Variants in ZEB1 observed in about 807,000 individuals in gnomAD.
ZEB1 encodes the protein zinc finger E-box-binding homeobox 1.
A neutral mutation model predicts 84.9 loss-of-function variants in ZEB1; 21 were observed. The observed-to-expected ratio is 0.25, with a 90% CI of 0.18 to 0.36. The LOEUF (loss-of-function observed/expected upper bound fraction) is 0.36. ZEB1 is among the 10% of genes least tolerant of loss of function. The pLI, the probability that ZEB1 is intolerant of heterozygous loss-of-function variation, is 1.00. For synonymous variants in ZEB1, 420 were observed against 471.1 expected (o/e 0.89, Z 1.41); for missense variants, 1,104 against 1,330.2 (o/e 0.83, Z 2.65).
intron 1 of ZEB1, among the ~76,000 whole-genome samples, chr10:31,440,481 CTTTGAAAACTGGCGCAAGACAGGG>C (rs946653728): frequency 2.0e-5 from 3 of 152,100 alleles, no homozygotes; most frequent in African/African-American, 7.3e-5. Context: ...GGAGCATTCC[CTTTGAAAACTGGCGCAAGACAGGG>C]GTGCCCTTTC....
At chr10:31,463,473 A>G (rs1288243638) in intron 2 of ZEB1, among the ~76,000 whole-genome samples, 1 of 152,198 alleles carries the variant, frequency 6.6e-6, no homozygotes, top group Non-Finnish European at 1.5e-5. Context: ...TTGCCTAGCC[A>G]GTGAAATGTA....
At chr10:31,445,059 C>A (rs1203058386) in intron 1 of ZEB1, among the ~76,000 whole-genome samples, 1 of 146,834 alleles carries the variant, frequency 6.8e-6, no homozygotes, top group Non-Finnish European at 1.5e-5. Context: ...ATGGAATGTT[C>A]TTCCATTTGT....
chr10:31,331,091 T>TC, intron 1 of ZEB1, among the ~76,000 whole-genome samples: 1 of 122,288 alleles, frequency 8.2e-6, no homozygotes. Flanking sequence ...CTTTTTTTTT[T>TC]TTTTTTTTTT....
intron 1 of ZEB1, among the ~76,000 whole-genome samples, chr10:31,407,969 T>C (rs1202024697): frequency 6.8e-4 from 100 of 147,922 alleles, no homozygotes; most frequent in African/African-American, 2.2e-3. Flanking sequence ...TGTTTGCAGA[T>C]GACATGATTG....
chr10:31,357,150 A>G (rs1328099835), intron 1 of ZEB1, among the ~76,000 whole-genome samples: 1 of 152,190 alleles, frequency 6.6e-6, no homozygotes, highest in South Asian at 2.1e-4. Flanking sequence ...TAAATGAGAT[A>G]CTTTTTAAAA....
At chr10:31,511,018 G>T (rs2139511955) in intron 5 of ZEB1, 143 bp downstream of exon 5, 1 of 834,192 alleles carries the variant, frequency 1.2e-6, no homozygotes, top group South Asian at 1.5e-5. Flanking sequence ...AAGTGAAAAT[G>T]ATTATTTATT....
upstream of ZEB1, chr10:31,319,201 G>T (rs1589873735): frequency 6.4e-7 from 1 of 1,572,606 alleles, no homozygotes; most frequent in Non-Finnish European, 8.6e-7. Flanking sequence ...GGGGGAGGAG[G>T]TGACTCGAGC....
At chr10:31,487,810 G>T (rs757595638) in intron 2 of ZEB1, among the ~76,000 whole-genome samples, 1 of 150,920 alleles carries the variant, frequency 6.6e-6, no homozygotes, top group Admixed American at 6.6e-5. Context: ...TTCCTGGTTC[G>T]CTGCAAGTTT....
At chr10:31,473,512 G>C (rs2063590545) in intron 2 of ZEB1, among the ~76,000 whole-genome samples, 1 of 151,872 alleles carries the variant, frequency 6.6e-6, no homozygotes, top group East Asian at 1.9e-4. Flanking sequence ...GGGACGTGAA[G>C]GACCTCTTCA....
chr10:31,356,659 A>G (rs1590230824), intron 1 of ZEB1, among the ~76,000 whole-genome samples: 2 of 152,176 alleles, frequency 1.3e-5, no homozygotes, highest in East Asian at 1.9e-4. Flanking sequence ...TTCTTAACCA[A>G]TCTTATTTCT....
At chr10:31,330,587 T>A (rs780764937) in intron 1 of ZEB1, among the ~76,000 whole-genome samples, 8 of 152,310 alleles carry the variant, frequency 5.3e-5, no homozygotes, top group Middle Eastern at 6.8e-3. Flanking sequence ...GGGAGTTTGT[T>A]TAAACCTAAC....
At chr10:31,409,194 A>C (rs926674115) in intron 1 of ZEB1, among the ~76,000 whole-genome samples, 15 of 152,224 alleles carry the variant, frequency 9.9e-5, no homozygotes, top group African/African-American at 2.9e-4. Flanking sequence ...AACCACAATG[A>C]GATACCATTT....
intron 1 of ZEB1, among the ~76,000 whole-genome samples, chr10:31,378,804 A>T (rs751640900): frequency 1.3e-5 from 2 of 152,040 alleles, no homozygotes; most frequent in African/African-American, 4.8e-5. Context: ...ACTGTAACAT[A>T]CTTTGTATAA....
chr10:31,398,551 G>C (rs573023643), intron 1 of ZEB1, among the ~76,000 whole-genome samples: 3 of 152,036 alleles, frequency 2.0e-5, no homozygotes, highest in South Asian at 4.2e-4. Context: ...CTTACTCCCA[G>C]TTCTCCTTTA....
intron 2 of ZEB1, among the ~76,000 whole-genome samples, chr10:31,482,890 C>T (rs532266750): frequency 1.3e-5 from 2 of 152,156 alleles, no homozygotes; most frequent in South Asian, 4.1e-4. Context: ...TGACTCTTGT[C>T]CCATTCTGTT....
At chr10:31,471,828 A>C (rs2063302057) in intron 2 of ZEB1, among the ~76,000 whole-genome samples, 1 of 146,136 alleles carries the variant, frequency 6.8e-6, no homozygotes, top group Non-Finnish European at 1.5e-5. Context: ...TCTCCTCAGC[A>C]AATGTAAAAG....
At chr10:31,391,116 A>G (rs549095183) in intron 1 of ZEB1, among the ~76,000 whole-genome samples, 1 of 152,268 alleles carries the variant, frequency 6.6e-6, no homozygotes, top group East Asian at 1.9e-4. Flanking sequence ...TTAGCGTTCC[A>G]AAGTTAAGCT....
intron 1 of ZEB1, among the ~76,000 whole-genome samples, chr10:31,357,623 G>T (rs1564570084): frequency 6.6e-6 from 1 of 151,298 alleles, no homozygotes; most frequent in Admixed American, 6.6e-5. Context: ...GTAGCATATG[G>T]TTTTTTTTTA....
At chr10:31,368,079 A>G (rs963714369) in intron 1 of ZEB1, among the ~76,000 whole-genome samples, 2 of 151,912 alleles carry the variant, frequency 1.3e-5, no homozygotes, top group African/African-American at 4.8e-5. Flanking sequence ...GTGCCAGGAC[A>G]CCCTCAGATA....
Sources: gnomAD v4.1 joint callset for allele counts (sites outside exome capture counted in the v4.1 genomes callset) on GRCh38, gnomAD v4.1.1 for gene constraint, MANE v1.5 for transcripts, NCBI Gene and HGNC (gene_info 2026-07-23, HGNC 2026-07-21) for gene names.